PPFIA3: variants seen among roughly 807,000 people sequenced by gnomAD.
The protein encoded by PPFIA3 is PPFI scaffold protein A3.
PPFIA3 carries 26 observed loss-of-function variants against 145.8 expected under a neutral mutation model. The ratio of observed to expected loss-of-function variants is 0.18; its 90% CI spans 0.13 to 0.25. The LOEUF is 0.25. Among genes scored for constraint, PPFIA3 ranks in the 10% least tolerant of loss-of-function variants. The probability of loss-of-function intolerance (pLI) is 1.00; values close to 1 mark genes in which losing one functional copy is unlikely to be tolerated. For missense variants in PPFIA3, 1,008 were observed against 1,587.8 expected, an observed-to-expected ratio of 0.63 and a Z score of 6.21; for synonymous variants, 645 against 661.4, an observed-to-expected ratio of 0.98 and a Z score of 0.38.
In PPFIA3 at chr19:49,148,750, G is replaced by T; in HGVS notation, c.3096G>T (p.Gln1032His). The change falls in exon 25 of 30, where the codon CAG becomes CAT. Residue 1032 changes from glutamine to histidine, a missense_variant. Gln to His is a conservative substitution (Grantham distance 24). Coordinates refer to ENST00000334186, the MANE Select transcript of PPFIA3 (RefSeq NM_003660.4). ...TGGAGCGGAGGCGGGAAGAAAGTCA[G>T]ACCCAGATCCGAGGTGAGTAGAGCC... ...KDLERRREES[Q>H]TQIRDVMVWS... 6.2e-7 allele frequency: 1 copy of T among 1,613,740 alleles called. No individual in the cohort carries two copies. Among genetic ancestry groups the T allele is most frequent in the Non-Finnish European group, 8.5e-7 (1 of 1,179,670 alleles).
rs895846802 is a variant in PPFIA3 at position 49,120,354 on chromosome 19, G to T, written c.-16+632G>T. Among the ~76,000 whole-genome samples, 1 of 152,170 alleles carries T rather than the reference G, an allele frequency of 6.6e-6. No homozygotes were observed. Among genetic ancestry groups the T allele is most frequent in the Non-Finnish European group, 1.5e-5 (1 of 68,020 alleles). On this transcript the variant is annotated intron_variant, in intron 1 of 29. Coordinates refer to ENST00000334186, the MANE Select transcript of PPFIA3 (RefSeq NM_003660.4). This position sits in a 1 kb window ranked among gnomAD's most constrained non-coding sequence, Gnocchi z 4.6. The stretch of plus-strand genomic sequence containing the variant: ...GGCGCCCCAGCCTCTGGGTTCTGCC[G>T]GCCAGGCTCGTGGCCCCGTCCTCGG...
chr19:49,128,681 C>T lies in PPFIA3; in HGVS notation c.343-167C>T. On this transcript the variant is annotated intron_variant, in intron 3 of 29. Transcript: ENST00000334186. The surrounding 1 kb of genome is among the most constrained non-coding windows in gnomAD (Gnocchi z 4.1). ...TCCATAACTTTTCTCTTTTCTGTAC[C>T]ACCGGTTCCTTGACCCCGACCTCCT... 1 of 788,878 alleles carries T rather than the reference C, an allele frequency of 1.3e-6. No homozygotes were observed. Among genetic ancestry groups the T allele is most frequent in the Non-Finnish European group, 2.0e-6 (1 of 503,658 alleles). 48.9% of individuals were successfully genotyped at this position (788,878 alleles called of 1,614,324 possible). A position where few individuals can be genotyped will look rare whatever the true frequency, so the allele number is the denominator to read the frequency against.
rs1296912622 is a variant in PPFIA3 at position 49,131,431 on chromosome 19, C to T, written c.879+832C>T. 4.0e-5 allele frequency among the ~76,000 whole-genome samples: 6 copies of T among 150,124 alleles called. No individual in the cohort carries two copies. The East Asian group carries it at 5.9e-4, about 15-fold the overall frequency. On this transcript the variant is annotated intron_variant, in intron 7 of 29. Transcript: ENST00000334186. ...AACTCCTGACCTCAAGTGATCAGCT[C>T]GCCTCGGCCCAAAGTGCTGGGATTA...
In PPFIA3 at chr19:49,128,224, G is replaced by T; in HGVS notation, c.240+111G>T. 2 of 1,485,900 alleles carry T rather than the reference G, an allele frequency of 1.3e-6. No homozygotes were observed. Among genetic ancestry groups the T allele is most frequent in the Non-Finnish European group, 9.1e-7 (1 of 1,100,198 alleles). The allele number at this position is 1,485,900 out of a possible 1,614,324, so 92.0% of individuals were successfully genotyped here. ...GAAGGGAGGAGTCTGGGCGAGGCTTGCCGTTAATGGGCGGGGCCTGAGTGG... is the reference window on the plus strand; with the variant it reads ...GAAGGGAGGAGTCTGGGCGAGGCTTTCCGTTAATGGGCGGGGCCTGAGTGG... On this transcript the variant is annotated intron_variant, in intron 2 of 29. Coordinates refer to ENST00000334186, the MANE Select transcript of PPFIA3 (RefSeq NM_003660.4). This position sits in a 1 kb window ranked among gnomAD's most constrained non-coding sequence, Gnocchi z 4.1.
At chr19:49,137,316 A>G (rs922238888) in intron 15 of PPFIA3, 7 of 160,020 alleles carry the variant, frequency 4.4e-5, no homozygotes, top group African/African-American at 1.7e-4. Flanking sequence ...TCATCCTAAC[A>G]TGCTAATCAA....
At chr19:49,122,470 A>C (rs2040947566) in intron 1 of PPFIA3, among the ~76,000 whole-genome samples, 1 of 152,186 alleles carries the variant, frequency 6.6e-6, no homozygotes, top group Non-Finnish European at 1.5e-5. Flanking sequence ...TCTAACAACA[A>C]GTCCTTCCTT....
intron 11 of PPFIA3, 147 bp downstream of exon 11, chr19:49,134,312 A>G (rs1353439869): frequency 9.5e-6 from 11 of 1,156,092 alleles, no homozygotes; most frequent in Non-Finnish European, 1.3e-5. Context: ...TCTCTGCTCT[A>G]TTGCCCAGAC....
chr19:49,139,826 G>A lies in PPFIA3; in HGVS notation c.2235G>A (p.Arg745=). ...CCCTGGAAGATGGGGGACCCCCACG[G>A]GGAAGGTCAGCAGGGACAAGGGATA... ...AGSLEDGGPP[R]GSEGTPDSLH... The change falls in exon 17 of 30, where the codon CGG becomes CGA. Residue 745 remains arginine, a synonymous_variant. Transcript: ENST00000334186. 1 of 1,610,396 alleles carries A rather than the reference G, an allele frequency of 6.2e-7. No homozygotes were observed. The highest frequency in any genetic ancestry group is 8.5e-7 in the Non-Finnish European group (1 of 1,177,668).
At chr19:49,122,998 G>T (rs1476087329) in intron 1 of PPFIA3, among the ~76,000 whole-genome samples, 3 of 151,684 alleles carry the variant, frequency 2.0e-5, no homozygotes, top group Non-Finnish European at 2.9e-5. Flanking sequence ...TGGGATTACA[G>T]GCAGGAGCCA....
intron 7 of PPFIA3, among the ~76,000 whole-genome samples, chr19:49,131,937 G>A (rs1422417322): frequency 1.3e-5 from 2 of 151,122 alleles, no homozygotes; most frequent in Non-Finnish European, 2.9e-5. Flanking sequence ...GTGAACCCGG[G>A]AGGCAGAGCT....
At chr19:49,132,009 C>CAAAAA (rs34793375) in intron 7 of PPFIA3, among the ~76,000 whole-genome samples, 2 of 69,882 alleles carry the variant, frequency 2.9e-5, no homozygotes, top group African/African-American at 4.5e-5. Flanking sequence ...GACTCCGTCT[C>CAAAAA]AAAAAAAAAA....
At chr19:49,141,614 G>A (rs2041224544) in intron 19 of PPFIA3, 101 bp downstream of exon 19, 4 of 942,370 alleles carry the variant, frequency 4.2e-6, no homozygotes, top group Non-Finnish European at 6.4e-6. Flanking sequence ...GTGTGTGTGT[G>A]TGAGAGGGTG....
Position 49,149,063 on chromosome 19 carries a change from G to A in PPFIA3, c.3180G>A (p.Thr1060=). The A allele has an allele frequency of 6.2e-7, 1 of 1,614,200 alleles. No homozygotes were observed. Among genetic ancestry groups the A allele is most frequent in the Non-Finnish European group, 8.5e-7 (1 of 1,180,042 alleles). ...VSGLGLKEFA[T]NLTESGVHGA... ...GGCTGGGCCTGAAGGAATTTGCCAC[G>A]AACCTCACGGAGAGCGGGGTACACG... Residue 1060 remains threonine (T), a synonymous_variant, in exon 26 of 30, where the codon ACG becomes ACA. Transcript: ENST00000334186. This position sits in a 1 kb window ranked among gnomAD's most constrained non-coding sequence, Gnocchi z 5.7.
rs1463608810 is a variant in PPFIA3 at position 49,133,670 on chromosome 19, A to C, written c.1162-126A>C. The stretch of plus-strand genomic sequence containing the variant: ...TAGGCGCAGGGGCGGGGCCTGACTC[A>C]AAGGTGCAGGGGAGGAGCCTGGCGC... On this transcript the variant is annotated intron_variant, in intron 9 of 29. Coordinates refer to ENST00000334186, the MANE Select transcript of PPFIA3 (RefSeq NM_003660.4). This position sits in a 1 kb window ranked among gnomAD's most constrained non-coding sequence, Gnocchi z 7.2. 2.3e-5 allele frequency: 25 copies of C among 1,078,224 alleles called. No individual in the cohort carries two copies. The highest frequency in any genetic ancestry group is 3.3e-5 in the Non-Finnish European group (24 of 716,716). 66.8% of individuals were successfully genotyped at this position (1,078,224 alleles called of 1,614,324 possible). A position where few individuals can be genotyped will look rare whatever the true frequency, so the allele number is the denominator to read the frequency against.
intron 5 of PPFIA3, 136 bp from the exon 6 acceptor site, chr19:49,129,857 G>A: frequency 1.2e-6 from 1 of 862,760 alleles, no homozygotes; most frequent in South Asian, 1.5e-5. Flanking sequence ...GTAAACCGTG[G>A]GGTAGGCATG....
Position 49,128,135 on chromosome 19 carries a change from G to C in PPFIA3, c.240+22G>C, listed in dbSNP as rs558371292. The C allele has an allele frequency of 1.3e-5, 20 of 1,494,158 alleles. No homozygotes were observed. The South Asian group carries it at 1.9e-4, about 14-fold the overall frequency. The allele number at this position is 1,494,158 out of a possible 1,614,324, so 92.6% of individuals were successfully genotyped here. On this transcript the variant is annotated intron_variant, in intron 2 of 29. Transcript: ENST00000334186. The surrounding 1 kb of genome is among the most constrained non-coding windows in gnomAD (Gnocchi z 4.1). Reference sequence around the variant, plus strand: ...CCAGGTCTGGGCGGGACAGGGGCGGGGCATGAGGGGGCGGGGCCTCGGGGG... The same window carrying C: ...CCAGGTCTGGGCGGGACAGGGGCGGCGCATGAGGGGGCGGGGCCTCGGGGG...
chr19:49,140,666 T>C (rs2041209969), intron 18 of PPFIA3, among the ~76,000 whole-genome samples: 6 of 126,694 alleles, frequency 4.7e-5, no homozygotes, highest in African/African-American at 1.3e-4. Flanking sequence ...TTTTTTTTTT[T>C]TGTTTGGAGA....
At chr19:49,148,945 T>C (rs1188608936) in intron 25 of PPFIA3, 48 bp from the exon 26 acceptor site, 42 of 1,600,674 alleles carry the variant, frequency 2.6e-5, no homozygotes, top group Non-Finnish European at 3.4e-5. Context: ...TAAACTGAAC[T>C]CTCCAGGCCA....
At chr19:49,123,481 C>T (rs2040961517) in intron 1 of PPFIA3, among the ~76,000 whole-genome samples, 1 of 151,846 alleles carries the variant, frequency 6.6e-6, no homozygotes, top group Non-Finnish European at 1.5e-5. Flanking sequence ...CACTCTGTTG[C>T]CCAGGCCAGA....
Sources: gnomAD v4.1 joint callset for allele counts (sites outside exome capture counted in the v4.1 genomes callset) on GRCh38, gnomAD v4.1.1 for gene constraint, Gnocchi (gnomAD v3.1) non-coding constraint, MANE v1.5 for transcripts, NCBI Gene and HGNC (gene_info 2026-07-23, HGNC 2026-07-21) for gene names.